ZDHHC15: variants seen among roughly 807,000 people sequenced by gnomAD.
ZDHHC15 encodes zDHHC palmitoyltransferase 15, also known as palmitoyltransferase ZDHHC15.
A neutral mutation model predicts 31.7 loss-of-function variants in ZDHHC15; 19 were observed. That is an observed-to-expected ratio of 0.60 (90% CI 0.42 to 0.88). The LOEUF (loss-of-function observed/expected upper bound fraction) is 0.88, where lower values mean the gene tolerates loss of function less well. Among genes scored for constraint, ZDHHC15 ranks in the 40% least tolerant of loss-of-function variants. The probability of loss-of-function intolerance (pLI) is 0.00; values close to 1 mark genes in which losing one functional copy is unlikely to be tolerated. For missense variants in ZDHHC15, 209 were observed against 251.2 expected, an observed-to-expected ratio of 0.83 and a Z score of 1.14; for synonymous variants, 103 against 90.0, an observed-to-expected ratio of 1.14 and a Z score of -0.82.
At chrX:75,515,422 G>T (rs998280969) in intron 1 of ZDHHC15, among the ~76,000 whole-genome samples, 4 of 110,908 alleles carry the variant, frequency 3.6e-5, no homozygotes, top group African/African-American at 1.3e-4. Context: ...TGCAAGGCTG[G>T]TTCAACATAT....
chrX:75,463,925 C>T, intron 3 of ZDHHC15, among the ~76,000 whole-genome samples: 1 of 111,697 alleles, frequency 9.0e-6, no homozygotes, highest in Non-Finnish European at 1.9e-5. Context: ...CCCAGCCATC[C>T]CATTACTGGG....
intron 2 of ZDHHC15, among the ~76,000 whole-genome samples, chrX:75,494,886 G>T (rs1337975528): frequency 8.9e-6 from 1 of 112,028 alleles, no homozygotes; most frequent in Non-Finnish European, 1.9e-5. Context: ...AGGACTTCAT[G>T]TCTAAAACAC....
intron 11 of ZDHHC15, among the ~76,000 whole-genome samples, chrX:75,374,996 G>T (rs762456315): frequency 2.7e-5 from 3 of 111,442 alleles, no homozygotes; most frequent in Non-Finnish European, 5.6e-5. Context: ...TTTCACAGAT[G>T]TAAACGTATT....
chrX:75,444,712 A>ACACACACAC (rs1569332752), intron 4 of ZDHHC15, among the ~76,000 whole-genome samples: 1 of 94,293 alleles, frequency 1.1e-5, no homozygotes. Flanking sequence ...ACACACACAC[A>ACACACACAC]AATTTATGTA....
rs188833223 is a variant in ZDHHC15, at chrX:75,491,859, G to A, written c.164-12874C>T. Among the ~76,000 whole-genome samples, 885 of 111,360 alleles carry A rather than the reference G, an allele frequency of 7.9e-3. 11 individuals carry two copies. The highest frequency in any genetic ancestry group is 0.027 in the African/African-American group (817 of 30,677). ...AACATGCCAAATTGTAAAGTCCATC[G>A]AGGCAAGGAAGAAACTGCATCAATT... On this transcript the variant is annotated intron_variant, in intron 2 of 11. Transcript: ENST00000373367.
At chrX:75,455,552 A>G (rs1229507365) in intron 3 of ZDHHC15, among the ~76,000 whole-genome samples, 2 of 112,091 alleles carry the variant, frequency 1.8e-5, no homozygotes, top group African/African-American at 6.5e-5. Flanking sequence ...TCTGCAGACA[A>G]AAGAAACTAC....
At chrX:75,414,364 T>C (rs2083520623) in intron 10 of ZDHHC15, among the ~76,000 whole-genome samples, 1 of 110,748 alleles carries the variant, frequency 9.0e-6, no homozygotes, top group East Asian at 2.8e-4. Flanking sequence ...ACAAAGGCTT[T>C]ATGTAGTTCC....
intron 4 of ZDHHC15, 28 bp downstream of exon 4, chrX:75,450,774 C>G (rs369335580): frequency 1.4e-5 from 17 of 1,208,405 alleles, no homozygotes; most frequent in Non-Finnish European, 1.7e-5. Context: ...GCTGAGCTGC[C>G]TCTCTAGCTG....
chrX:75,382,633 C>A (rs189239053), intron 10 of ZDHHC15, among the ~76,000 whole-genome samples: 8 of 111,400 alleles, frequency 7.2e-5, no homozygotes, highest in African/African-American at 2.0e-4. Context: ...AGAGAATACA[C>A]GAAGAAAGAA....
intron 10 of ZDHHC15, among the ~76,000 whole-genome samples, chrX:75,400,683 G>C (rs779913997): frequency 1.8e-5 from 2 of 111,658 alleles, no homozygotes; most frequent in Non-Finnish European, 3.8e-5. Context: ...ATAATCATCA[G>C]ATTTTCCAAG....
intron 3 of ZDHHC15, among the ~76,000 whole-genome samples, chrX:75,460,354 A>C (rs1377022562): frequency 9.0e-6 from 1 of 110,811 alleles, no homozygotes; most frequent in Non-Finnish European, 1.9e-5. Context: ...CAGCCATTCC[A>C]GTCTGCTGGC....
At chrX:75,491,253 T>C (rs1403340757) in intron 2 of ZDHHC15, among the ~76,000 whole-genome samples, 1 of 110,116 alleles carries the variant, frequency 9.1e-6, no homozygotes, top group Admixed American at 9.7e-5. Context: ...TAGACTGGAT[T>C]AAGAAAATGT....
chrX:75,466,352 T>C (rs1004630806), intron 3 of ZDHHC15, among the ~76,000 whole-genome samples: 2 of 111,646 alleles, frequency 1.8e-5, no homozygotes, highest in Non-Finnish European at 1.9e-5. Flanking sequence ...GGAGTGTAAA[T>C]TAGTTCAATC....
intron 10 of ZDHHC15, among the ~76,000 whole-genome samples, chrX:75,405,275 G>T (rs925612581): frequency 1.8e-5 from 2 of 110,984 alleles, no homozygotes; most frequent in African/African-American, 6.6e-5. Context: ...ATGACTATTA[G>T]GTACTAAGCC....
intron 3 of ZDHHC15, among the ~76,000 whole-genome samples, chrX:75,462,652 A>T (rs1417021086): frequency 8.9e-6 from 1 of 112,288 alleles, no homozygotes; most frequent in African/African-American, 3.2e-5. Context: ...AAATTGGATA[A>T]CCTGCTCTTG....
At chrX:75,399,384 A>T (rs1216474263) in intron 10 of ZDHHC15, among the ~76,000 whole-genome samples, 4 of 111,823 alleles carry the variant, frequency 3.6e-5, no homozygotes, top group Non-Finnish European at 5.6e-5. Context: ...ACCTCCAACA[A>T]GCTGTAGTTG....
At chrX:75,374,657 T>TTG (rs1243830225) in intron 11 of ZDHHC15, among the ~76,000 whole-genome samples, 12 of 91,690 alleles carry the variant, frequency 1.3e-4, no homozygotes, top group African/African-American at 5.4e-4. Context: ...AAGTAAATTT[T>TTG]AGTGTGTGTG....
At chrX:75,392,897 T>C (rs2083261982) in intron 10 of ZDHHC15, among the ~76,000 whole-genome samples, 1 of 110,613 alleles carries the variant, frequency 9.0e-6, no homozygotes, top group Non-Finnish European at 1.9e-5. Flanking sequence ...CCATTCTGTA[T>C]TCCCTTTGCC....
At chrX:75,498,591 A>G (rs2085044386) in intron 2 of ZDHHC15, among the ~76,000 whole-genome samples, 1 of 111,970 alleles carries the variant, frequency 8.9e-6, no homozygotes, top group Non-Finnish European at 1.9e-5. Flanking sequence ...GAGGTGAAAG[A>G]CTTCTACAAG....
Sources: gnomAD v4.1 joint callset for allele counts (sites outside exome capture counted in the v4.1 genomes callset) on GRCh38, gnomAD v4.1.1 for gene constraint, MANE v1.5 for transcripts, NCBI Gene and HGNC (gene_info 2026-07-23, HGNC 2026-07-21) for gene names.